The following MACF1 variants were observed in gnomAD, a reference collection of about 807,000 sequenced individuals.
MACF1 encodes microtubule actin crosslinking factor 1.
In MACF1, 193 loss-of-function variants were observed where a neutral mutation model predicts 854.8. The ratio of observed to expected loss-of-function variants is 0.23; its 90% CI spans 0.20 to 0.25. The LOEUF (loss-of-function observed/expected upper bound fraction) is 0.25. Among genes scored for constraint, MACF1 ranks in the 10% least tolerant of loss-of-function variants. The probability of loss-of-function intolerance (pLI) is 1.00; values close to 1 mark genes in which losing one functional copy is unlikely to be tolerated. For synonymous variants in MACF1, 3,185 were observed against 3,226.7 expected, an observed-to-expected ratio of 0.99 and a Z score of 0.44; for missense variants, 7,722 against 8,929.1, an observed-to-expected ratio of 0.86 and a Z score of 5.45.
intron 2 of MACF1, among the ~76,000 whole-genome samples, chr1:39,113,533 A>G (rs183422696): frequency 1.3e-5 from 2 of 152,322 alleles, no homozygotes; most frequent in East Asian, 3.9e-4. Flanking sequence ...ATGCTGACTG[A>G]CCAATTATTT....
intron 56 of MACF1, 41 bp downstream of exon 56, chr1:39,382,193 C>G: frequency 6.3e-7 from 1 of 1,576,330 alleles, no homozygotes; most frequent in Non-Finnish European, 8.7e-7. Context: ...TCACATGAAA[C>G]TGGGTTTGAA....
At chr1:39,196,384 A>AC (rs1644320464) in intron 2 of MACF1, among the ~76,000 whole-genome samples, 1 of 152,102 alleles carries the variant, frequency 6.6e-6, no homozygotes, top group South Asian at 2.1e-4. Flanking sequence ...ACATTGCCAA[A>AC]CCTTAGAGGC....
intron 51 of MACF1, 77 bp from the exon 52 acceptor site, chr1:39,372,402 T>A: frequency 1.3e-6 from 1 of 750,402 alleles, no homozygotes; most frequent in Non-Finnish European, 2.4e-6. Context: ...CACTAGGGAG[T>A]ATATACAGAA....
chr1:39,335,302 A>G lies in MACF1; in HGVS notation c.8714A>G (p.Asp2905Gly). The G allele has an allele frequency of 6.2e-6, 10 of 1,614,150 alleles. No individual in the cohort carries two copies. Among genetic ancestry groups the G allele is most frequent in the Non-Finnish European group, 8.5e-6 (10 of 1,180,002 alleles). ...GTGGCTAGAAATAACATGGGAAATGATACAAATGAAGAGCAGGAAAAAGCA... is the reference window on the plus strand; with the variant it reads ...GTGGCTAGAAATAACATGGGAAATGGTACAAATGAAGAGCAGGAAAAAGCA... ...KEVARNNMGNDTNEEQEKAVT... is the reference protein window; with the variant it reads ...KEVARNNMGNGTNEEQEKAVT... The change falls in exon 37 of 101, where the codon GAT becomes GGT. Residue 2905 changes from aspartate (D) to glycine (G), a missense_variant. Asp to Gly is a moderately conservative substitution (Grantham distance 94). This residue lies in a region of MACF1 where 854 missense variants were observed against 852.6 expected (regional missense o/e 1.00). Transcript: ENST00000564288.
At chr1:39,389,351 GTTTTTTTT>G (rs10588247) in intron 58 of MACF1, among the ~76,000 whole-genome samples, 23 of 63,480 alleles carry the variant, frequency 3.6e-4, no homozygotes, top group East Asian at 1.1e-3. Flanking sequence ...GTTTTTGTGT[GTTTTTTTT>G]TTTTTTTTTT....
At chr1:39,112,863 G>A (rs1401221240) in intron 2 of MACF1, among the ~76,000 whole-genome samples, 2 of 152,040 alleles carry the variant, frequency 1.3e-5, no homozygotes, top group Non-Finnish European at 2.9e-5. Flanking sequence ...GCTGGGCATA[G>A]TCCCAGTTTC....
At chr1:39,423,015 T>C in intron 60 of MACF1, 115 bp downstream of exon 60, 1 of 863,236 alleles carries the variant, frequency 1.2e-6, no homozygotes, top group Non-Finnish European at 1.8e-6. Flanking sequence ...TAAACTACTT[T>C]GTGTCGTCCT....
intron 2 of MACF1, among the ~76,000 whole-genome samples, chr1:39,085,816 T>C (rs72634501): frequency 0.19 from 28,142 of 152,066 alleles, 3,282 homozygotes; most frequent in Middle Eastern, 0.26. Flanking sequence ...TGCCACCACC[T>C]CTACCCCCAA....
Position 39,485,711 on chromosome 1 carries a change from G to A in MACF1, c.22585G>A (p.Gly7529Arg). 6.2e-7 allele frequency: 1 copy of A among 1,613,944 alleles called. No homozygotes were observed. Among genetic ancestry groups the A allele is most frequent in the Non-Finnish European group, 8.5e-7 (1 of 1,179,922 alleles). Reference protein sequence around the residue: ...AAGGQGNSRRGLNKPSKIPTM... With the variant: ...AAGGQGNSRRRLNKPSKIPTM... ...AGGGGGCCAAGGCAACTCCAGGAGA[G>A]GGCTAAACAAACCTTCCAAAATCCC... The change falls in exon 101 of 101, where the codon GGG becomes AGG. Residue 7529 changes from glycine to arginine, a missense_variant. By Grantham distance (125) the Gly-to-Arg change is moderately radical (BLOSUM62 -2). This residue lies in a region of MACF1 where 185 missense variants were observed against 225.7 expected (regional missense o/e 0.82). Transcript: ENST00000564288.
Position 39,441,268 on chromosome 1 carries a change from G to T in MACF1, c.18615G>T (p.Arg6205Ser). 1 of 1,614,122 alleles carries T rather than the reference G, an allele frequency of 6.2e-7. No individual in the cohort carries two copies. The highest frequency in any genetic ancestry group is 8.5e-7 in the Non-Finnish European group (1 of 1,180,002). The change falls in exon 74 of 101, where the codon AGG becomes AGT. Residue 6205 changes from arginine to serine, a missense_variant. By Grantham distance (110) the Arg-to-Ser change is moderately radical. This residue lies in a region of MACF1 where 2,807 missense variants were observed against 3,235.8 expected (regional missense o/e 0.87). Coordinates refer to ENST00000564288, the MANE Select transcript of MACF1 (RefSeq NM_001394062.1). ...WENLNKTWKE[R>S]LEKLEDAMQA... is the part of the protein sequence containing the mutation. ...ACTTAAACAAAACATGGAAAGAGAGGCTAGAAAAACTTGAGGATGCTATGC... is the reference window on the plus strand; with the variant it reads ...ACTTAAACAAAACATGGAAAGAGAGTCTAGAAAAACTTGAGGATGCTATGC...
intron 4 of MACF1, among the ~76,000 whole-genome samples, chr1:39,253,509 A>T (rs376619982): frequency 3.4e-3 from 312 of 91,346 alleles, no homozygotes; most frequent in Middle Eastern, 8.3e-3. Flanking sequence ...AGCTATCTGT[A>T]TTTTTTTTTT....
At chr1:39,426,549 A>T (rs1643732698) in intron 61 of MACF1, among the ~76,000 whole-genome samples, 3 of 152,174 alleles carry the variant, frequency 2.0e-5, no homozygotes, top group African/African-American at 7.2e-5. Flanking sequence ...TTGTCAGGCT[A>T]TCTCCAATAT....
intron 30 of MACF1, 23 bp downstream of exon 30, chr1:39,318,638 C>T (rs201386539): frequency 2.8e-5 from 43 of 1,546,728 alleles, no homozygotes; most frequent in East Asian, 1.4e-4. Context: ...GTAGCTCTGG[C>T]GAGAAGAGTT....
At chr1:39,418,170 A>C (rs903442306) in intron 58 of MACF1, among the ~76,000 whole-genome samples, 2 of 152,304 alleles carry the variant, frequency 1.3e-5, no homozygotes, top group African/African-American at 4.8e-5. Flanking sequence ...GGAGTTATCA[A>C]GGGTGACTTT....
chr1:39,088,247 T>C (rs925835054), intron 2 of MACF1, among the ~76,000 whole-genome samples: 1 of 152,214 alleles, frequency 6.6e-6, no homozygotes, highest in East Asian at 1.9e-4. Context: ...CCTGGGATTA[T>C]AGGTGTGAGC....
At position 39,357,849 on chromosome 1, in the gene MACF1, A is replaced by G; in HGVS notation, c.11899A>G (p.Lys3967Glu). The G allele has an allele frequency of 6.2e-7, 1 of 1,614,110 alleles. No individual in the cohort carries two copies. The highest frequency in any genetic ancestry group is 8.5e-7 in the Non-Finnish European group (1 of 1,180,008). ...PSEIGNLVKD[K>E]LKDATERYTA... Reference sequence around the variant, plus strand: ...AGAAATTGGAAACTTAGTAAAGGACAAGTTGAAGGATGCAACAGAAAGATA... The same window carrying G: ...AGAAATTGGAAACTTAGTAAAGGACGAGTTGAAGGATGCAACAGAAAGATA... Residue 3967 changes from lysine to glutamate, a missense_variant, in exon 45 of 101, where the codon AAG becomes GAG. Lys to Glu is a moderately conservative substitution (Grantham distance 56). Around this residue, in one of 15 missense-constraint regions of MACF1, gnomAD observed 2,807 missense variants for 3,235.8 expected, o/e 0.87. Coordinates refer to ENST00000564288, the MANE Select transcript of MACF1 (RefSeq NM_001394062.1).
At chr1:39,468,519 A>G (rs1644714783) in intron 95 of MACF1, 96 bp from the exon 96 acceptor site, 1 of 960,352 alleles carries the variant, frequency 1.0e-6, no homozygotes, top group Admixed American at 2.3e-5. Flanking sequence ...GTAGCTATCA[A>G]ATTGTCATTC....
At chr1:39,150,089 T>C (rs1643546653) in intron 2 of MACF1, among the ~76,000 whole-genome samples, 1 of 152,010 alleles carries the variant, frequency 6.6e-6, no homozygotes, top group Non-Finnish European at 1.5e-5. Flanking sequence ...AGTGGTGCAG[T>C]CTCGGCTCAC....
chr1:39,262,535 A>T (rs1031046093), intron 6 of MACF1, among the ~76,000 whole-genome samples: 2 of 152,098 alleles, frequency 1.3e-5, no homozygotes, highest in African/African-American at 4.8e-5. Flanking sequence ...AGGTTTAGAG[A>T]ATGAGAGAGG....
Sources: allele counts gnomAD v4.1 joint callset (sites outside exome capture counted in the v4.1 genomes callset), GRCh38; gene constraint gnomAD v4.1.1; regional missense constraint gnomAD v4.1.1; transcripts MANE v1.5; gene names NCBI Gene and HGNC (gene_info 2026-07-23, HGNC 2026-07-21).